FRMD4A: variants seen among roughly 807,000 people sequenced by gnomAD.
FRMD4A encodes the protein FERM domain-containing protein 4A.
A neutral mutation model predicts 129.1 loss-of-function variants in FRMD4A; 29 were observed. That is an observed-to-expected ratio of 0.22 (90% CI 0.17 to 0.31). The LOEUF (loss-of-function observed/expected upper bound fraction) is 0.31. FRMD4A is among the 10% of genes least tolerant of loss of function. The pLI is 1.00. For synonymous variants in FRMD4A, 634 were observed against 571.6 expected (o/e 1.11, Z -1.56); for missense variants, 1,272 against 1,375.8 (o/e 0.92, Z 1.19).
Position 13,656,706 on chromosome 10 carries a change from G to T in FRMD4A, c.2883C>A (p.Thr961=). 3 of 1,578,488 alleles carry T rather than the reference G, an allele frequency of 1.9e-6. No individual in the cohort carries two copies. Among genetic ancestry groups the T allele is most frequent in the Non-Finnish European group, 2.6e-6 (3 of 1,163,156 alleles). ...GCGCCACGAAGGTGCTCTGGGAGGAGGTGCTGTACTGCGAGCCGCTGTCCG... is the reference window on the plus strand; with the variant it reads ...GCGCCACGAAGGTGCTCTGGGAGGATGTGCTGTACTGCGAGCCGCTGTCCG... ...TSSDSGSQYS[T]SSQSTFVAHS... The change falls in exon 22 of 25, where the codon ACC becomes ACA. Residue 961 remains threonine (T), a synonymous_variant. Coordinates refer to ENST00000357447, the MANE Select transcript of FRMD4A (RefSeq NM_018027.5).
chr10:14,080,172 A>C (rs74122459), intron 2 of FRMD4A, among the ~76,000 whole-genome samples: 1,610 of 152,306 alleles, frequency 0.011, 34 homozygotes, highest in African/African-American at 0.036. Flanking sequence ...GAAGCCACAA[A>C]GATGCCCCAG....
chr10:14,145,616 G>A (rs1243819928), intron 2 of FRMD4A, among the ~76,000 whole-genome samples: 2 of 152,170 alleles, frequency 1.3e-5, no homozygotes, highest in Non-Finnish European at 2.9e-5. Flanking sequence ...AACTAGTTTA[G>A]TAATACTATC....
At position 14,191,382 on chromosome 10, in the gene FRMD4A, G is replaced by A. The variant is rs181299789; in HGVS notation, c.45+138676C>T. ...AGGCTAATGGGGTCAAAGGTGAACA[G>A]CCAGTAGAAGTGCCAGCTCCTAAGA... On this transcript the variant is annotated intron_variant, in intron 2 of 24. Coordinates refer to ENST00000357447, the MANE Select transcript of FRMD4A (RefSeq NM_018027.5). Among the ~76,000 whole-genome samples the A allele has an allele frequency of 3.0e-3, 463 of 152,320 alleles. 4 individuals carry two copies. Among genetic ancestry groups the A allele is most frequent in the Non-Finnish European group, 2.2e-3 (151 of 68,034 alleles).
At position 13,923,701 on chromosome 10, in the gene FRMD4A, G is replaced by A. The variant is rs56247980; in HGVS notation, c.46-64789C>T. Among the ~76,000 whole-genome samples the A allele has an allele frequency of 3.3e-5, 5 of 152,170 alleles. No homozygotes were observed. In the East Asian group the frequency reaches 9.6e-4, roughly 29 times the overall value. ...TTTTTAAAACCTGGACTATTGTAAA[G>A]GTAGGCCACGTTTATCTTATACATA... is the stretch of plus-strand genomic sequence containing the variant. On this transcript the variant is annotated intron_variant, in intron 2 of 24. Coordinates refer to ENST00000357447, the MANE Select transcript of FRMD4A (RefSeq NM_018027.5).
At chr10:14,178,407 CA>C in intron 2 of FRMD4A, among the ~76,000 whole-genome samples, 1 of 152,274 alleles carries the variant, frequency 6.6e-6, no homozygotes, top group South Asian at 2.1e-4. Flanking sequence ...CTTAAAAGCA[CA>C]AAGTCTTGTG....
chr10:13,673,204 A>G (rs1412548728), intron 16 of FRMD4A, among the ~76,000 whole-genome samples: 2 of 152,168 alleles, frequency 1.3e-5, no homozygotes, highest in South Asian at 2.1e-4. Flanking sequence ...AATGTTGCTA[A>G]TATTAACAGT....
chr10:13,708,152 C>T (rs1357385965), intron 12 of FRMD4A, among the ~76,000 whole-genome samples: 1 of 152,214 alleles, frequency 6.6e-6, no homozygotes, highest in Admixed American at 6.5e-5. Context: ...CTGCGGGGAA[C>T]AGCTTCCCTG....
At chr10:13,670,889 C>G (rs1372432936) in intron 16 of FRMD4A, among the ~76,000 whole-genome samples, 1 of 152,176 alleles carries the variant, frequency 6.6e-6, no homozygotes, top group African/African-American at 2.4e-5. Context: ...GGTCACCCAG[C>G]CAGTGAGGAG....
chr10:13,928,873 C>T lies in FRMD4A; in HGVS notation c.46-69961G>A, dbSNP rs545106715. Reference sequence around the variant, plus strand: ...CTCTCCCTTCCTGCCTGTTCAGAGACGTGCAACAGAGTAATGAGAAGGAGG... The same window carrying T: ...CTCTCCCTTCCTGCCTGTTCAGAGATGTGCAACAGAGTAATGAGAAGGAGG... On this transcript the variant is annotated intron_variant, in intron 2 of 24. Transcript: ENST00000357447. Among the ~76,000 whole-genome samples the T allele has an allele frequency of 6.6e-5, 10 of 152,298 alleles. No individual in the cohort carries two copies. The East Asian group carries it at 9.6e-4, about 15-fold the overall frequency.
At position 13,773,182 on chromosome 10, in the gene FRMD4A, G is replaced by A. The variant is rs182534095; in HGVS notation, c.384+9740C>T. On this transcript the variant is annotated intron_variant, in intron 6 of 24. Coordinates refer to ENST00000357447, the MANE Select transcript of FRMD4A (RefSeq NM_018027.5). ...TGGCACACACACTCGACACTCCTTC[G>A]TAACTATGCATAACTTTTCCCCAAA... Among the ~76,000 whole-genome samples the A allele has an allele frequency of 5.3e-5, 8 of 152,244 alleles. No individual in the cohort carries two copies. The East Asian group carries it at 5.8e-4, about 11-fold the overall frequency.
chr10:13,654,562 C>A, intron 22 of FRMD4A, 50 bp from the exon 23 acceptor site: 1 of 1,223,626 alleles, frequency 8.2e-7, no homozygotes, highest in South Asian at 1.3e-5. Context: ...GGATCAGACA[C>A]AGGTGAAAGA....
intron 5 of FRMD4A, among the ~76,000 whole-genome samples, chr10:13,791,643 G>A (rs542067466): frequency 1.3e-5 from 2 of 152,304 alleles, no homozygotes; most frequent in African/African-American, 4.8e-5. Context: ...GGGTTTATCA[G>A]TTTTGTTCGC....
At chr10:13,685,327 T>A (rs2084969276) in intron 15 of FRMD4A, 1 of 984,898 alleles carries the variant, frequency 1.0e-6, no homozygotes, top group Admixed American at 6.2e-5. Flanking sequence ...TCACTGGCAC[T>A]CGGTGAAGAG....
intron 2 of FRMD4A, among the ~76,000 whole-genome samples, chr10:14,226,037 A>G (rs1449543882): frequency 6.6e-6 from 1 of 152,130 alleles, no homozygotes; most frequent in Non-Finnish European, 1.5e-5. Flanking sequence ...TTTTTCATCT[A>G]TTTGAGATTT....
At position 13,821,117 on chromosome 10, in the gene FRMD4A, C is replaced by T. The variant is rs978187054; in HGVS notation, c.112-10209G>A. 6.6e-6 allele frequency among the ~76,000 whole-genome samples: 1 copy of T among 152,100 alleles called. No homozygotes were observed. Among genetic ancestry groups the T allele is most frequent in the Admixed American group, 6.5e-5 (1 of 15,278 alleles). On this transcript the variant is annotated intron_variant, in intron 3 of 24. Transcript: ENST00000357447. The surrounding 1 kb of genome is among the most constrained non-coding windows in gnomAD (Gnocchi z 4.3). ...TGGCTCAGCGGCTGCTCATTATTCC[C>T]GGGGAGGGGAAGCTGCTGCGGGGGG...
chr10:13,855,333 C>A (rs192121884), intron 3 of FRMD4A, among the ~76,000 whole-genome samples: 73 of 152,260 alleles, frequency 4.8e-4, no homozygotes, highest in Middle Eastern at 3.4e-3. Flanking sequence ...GCCATAGAAG[C>A]TCCTCTGTGT....
At chr10:13,960,880 C>A (rs1443594060) in intron 2 of FRMD4A, among the ~76,000 whole-genome samples, 1 of 152,140 alleles carries the variant, frequency 6.6e-6, no homozygotes, top group East Asian at 1.9e-4. Context: ...GGACACTGAA[C>A]CCAGAGGAGG....
chr10:13,726,415 A>C (rs1277795537), intron 12 of FRMD4A, among the ~76,000 whole-genome samples: 1 of 152,234 alleles, frequency 6.6e-6, no homozygotes, highest in Non-Finnish European at 1.5e-5. Flanking sequence ...CTAGGAAAGA[A>C]TTTGACTTTA....
chr10:13,679,151 C>T (rs1206077104), intron 15 of FRMD4A, among the ~76,000 whole-genome samples: 1 of 151,558 alleles, frequency 6.6e-6, no homozygotes, highest in African/African-American at 2.4e-5. Flanking sequence ...TGGCTGGGCG[C>T]GGTGGCTCAC....
Sources: allele counts gnomAD v4.1 joint callset (sites outside exome capture counted in the v4.1 genomes callset), GRCh38; gene constraint gnomAD v4.1.1; non-coding constraint Gnocchi (gnomAD v3.1); transcripts MANE v1.5; gene names NCBI Gene and HGNC (gene_info 2026-07-23, HGNC 2026-07-21).